Variants in EPS15L1 observed in about 807,000 individuals in gnomAD.
EPS15L1 encodes epidermal growth factor receptor substrate 15-like 1.
Under a neutral mutation model 117.1 loss-of-function variants are expected in EPS15L1, and 43 were observed. The observed-to-expected ratio is 0.37, with a 90% CI of 0.29 to 0.47. The LOEUF (loss-of-function observed/expected upper bound fraction) is 0.47. Among genes scored for constraint, EPS15L1 ranks in the 20% least tolerant of loss-of-function variants. The probability of loss-of-function intolerance (pLI) is 0.99; values close to 1 mark genes in which losing one functional copy is unlikely to be tolerated. For synonymous variants in EPS15L1, 459 were observed against 470.5 expected, an observed-to-expected ratio of 0.98 and a Z score of 0.32; for missense variants, 981 against 1,164.0, an observed-to-expected ratio of 0.84 and a Z score of 2.29.
chr19:16,408,872 C>T (rs1359642904), intron 13 of EPS15L1, among the ~76,000 whole-genome samples: 4 of 152,096 alleles, frequency 2.6e-5, no homozygotes, highest in Non-Finnish European at 5.9e-5. Flanking sequence ...CTATAGTCAA[C>T]TCATCCTTGA....
intron 19 of EPS15L1, among the ~76,000 whole-genome samples, chr19:16,390,516 T>C (rs2092464873): frequency 6.6e-6 from 1 of 152,156 alleles, no homozygotes; most frequent in Non-Finnish European, 1.5e-5. Flanking sequence ...TCACTGCCAT[T>C]TGTAGAGCAT....
intron 10 of EPS15L1, among the ~76,000 whole-genome samples, chr19:16,419,008 G>T (rs1274579137): frequency 6.6e-6 from 1 of 152,182 alleles, no homozygotes; most frequent in Non-Finnish European, 1.5e-5. Flanking sequence ...TGCCACAGGG[G>T]CATGGCCACA....
intron 10 of EPS15L1, among the ~76,000 whole-genome samples, chr19:16,420,698 C>T (rs2092804942): frequency 6.6e-6 from 1 of 152,258 alleles, no homozygotes; most frequent in East Asian, 1.9e-4. Context: ...TCTAAGGCCA[C>T]AAGGCTCTGA....
intron 10 of EPS15L1, among the ~76,000 whole-genome samples, chr19:16,418,545 T>C (rs1021168865): frequency 1.3e-5 from 2 of 152,226 alleles, no homozygotes; most frequent in African/African-American, 2.4e-5. Flanking sequence ...GCTACTGGCC[T>C]TCAATGGGGA....
intron 13 of EPS15L1, chr19:16,413,347 G>C (rs1340610181): frequency 2.9e-6 from 2 of 694,062 alleles, no homozygotes; most frequent in Admixed American, 4.1e-5. Flanking sequence ...ATGATGGCTA[G>C]TATCAATGAC....
chr19:16,424,940 C>T (rs796704355), intron 9 of EPS15L1, 143 bp downstream of exon 9: 28 of 772,120 alleles, frequency 3.6e-5, no homozygotes, highest in Non-Finnish European at 5.1e-5. Context: ...GGATTACAGG[C>T]GTGAGCCACC....
At position 16,448,556 on chromosome 19, in the gene EPS15L1, GA is replaced by G. The variant is rs370342329; in HGVS notation, c.34-6338del. Among the ~76,000 whole-genome samples the G allele has an allele frequency of 1.1e-3, 149 of 138,320 alleles. 3 individuals are homozygous for G. The highest frequency in any genetic ancestry group is 1.8e-3 in the African/African-American group (65 of 35,902). 90.7% of individuals were successfully genotyped at this position (138,320 alleles called of 152,430 possible). On this transcript the variant is annotated intron_variant, in intron 1 of 23. Transcript: ENST00000455140. ...TCCGTATTAAAAAAAAAGGGGGGGGGAGAAAGGCCGGGCGCGGTGGCTCACA... is the reference window on the plus strand; with the variant it reads ...TCCGTATTAAAAAAAAAGGGGGGGGGGAAAGGCCGGGCGCGGTGGCTCACA...
rs34482179 is a variant in EPS15L1 at position 16,470,219 on chromosome 19, T to TAA, written c.33+1692_33+1693dup. On this transcript the variant is annotated intron_variant, in intron 1 of 23. Coordinates refer to ENST00000455140, the MANE Select transcript of EPS15L1 (RefSeq NM_001258374.3). ...CAAAATGGTGAAACCCCGTCTCCAC[T>TAA]AAAAAAAAAATACAAAAATTAGCCG... 1.4e-4 allele frequency among the ~76,000 whole-genome samples: 21 copies of TAA among 148,084 alleles called. No individual in the cohort carries two copies. The East Asian group carries it at 2.2e-3, about 15-fold the overall frequency.
chr19:16,413,088 G>T, intron 13 of EPS15L1: 1 of 689,340 alleles, frequency 1.5e-6, no homozygotes, highest in Non-Finnish European at 2.7e-6. Flanking sequence ...TGCTATCGGG[G>T]ACTACAATGG....
At chr19:16,401,463 G>A (rs777099670) in intron 16 of EPS15L1, 2 of 985,792 alleles carry the variant, frequency 2.0e-6, no homozygotes, top group Non-Finnish European at 2.4e-6. Context: ...AGCCCTGGGA[G>A]AGAGGGTGGC....
intron 1 of EPS15L1, among the ~76,000 whole-genome samples, chr19:16,465,329 T>C: frequency 6.6e-6 from 1 of 151,972 alleles, no homozygotes; most frequent in East Asian, 1.9e-4. Context: ...CCTGGACAAC[T>C]CAATTCTGCA....
chr19:16,465,073 A>C (rs77903322), intron 1 of EPS15L1, among the ~76,000 whole-genome samples: 2 of 149,106 alleles, frequency 1.3e-5, no homozygotes, highest in East Asian at 4.0e-4. Flanking sequence ...AGCGAGACTT[A>C]GTCTCAAAAA....
chr19:16,451,166 G>A (rs1407773442), intron 1 of EPS15L1, among the ~76,000 whole-genome samples: 1 of 151,916 alleles, frequency 6.6e-6, no homozygotes, highest in Non-Finnish European at 1.5e-5. Context: ...GGCCAGGCTG[G>A]TCTTGAACTC....
intron 9 of EPS15L1, 26 bp downstream of exon 9, chr19:16,425,057 G>C (rs1361912691): frequency 1.9e-6 from 3 of 1,564,906 alleles, no homozygotes; most frequent in Non-Finnish European, 2.6e-6. Context: ...TCTGAGAGGG[G>C]GCTGTGCCCG....
chr19:16,398,995 T>G (rs1339410463), intron 16 of EPS15L1, among the ~76,000 whole-genome samples: 1 of 116,076 alleles, frequency 8.6e-6, no homozygotes, highest in Non-Finnish European at 2.0e-5. Context: ...ATTTATAAGG[T>G]TTTTTTTTTT....
chr19:16,452,022 C>T (rs2093149351), intron 1 of EPS15L1, among the ~76,000 whole-genome samples: 1 of 150,128 alleles, frequency 6.7e-6, no homozygotes, highest in Non-Finnish European at 1.5e-5. Flanking sequence ...ACCTGTAATC[C>T]CAGTTACTCT....
intron 12 of EPS15L1, among the ~76,000 whole-genome samples, chr19:16,414,234 G>A (rs1304042975): frequency 6.6e-6 from 1 of 151,992 alleles, no homozygotes; most frequent in African/African-American, 2.4e-5. Context: ...CCTCAGAAAG[G>A]AAAAAGAGAC....
At chr19:16,408,669 A>C (rs528532310) in intron 13 of EPS15L1, among the ~76,000 whole-genome samples, 10 of 152,086 alleles carry the variant, frequency 6.6e-5, no homozygotes, top group African/African-American at 2.4e-4. Context: ...AAAAAAAAAA[A>C]AAATCACATG....
chr19:16,425,094 T>G lies in EPS15L1; in HGVS notation c.781A>C (p.Lys261Gln). 6.2e-7 allele frequency: 1 copy of G among 1,613,972 alleles called. No homozygotes were observed. The highest frequency in any genetic ancestry group is 8.5e-7 in the Non-Finnish European group (1 of 1,179,830). The change falls in exon 9 of 24, where the codon AAG becomes CAG. Residue 261 changes from lysine to glutamine, a missense_variant. Around this residue, in one of 5 missense-constraint regions of EPS15L1, gnomAD observed 819 missense variants for 949.0 expected, o/e 0.86. Transcript: ENST00000455140. ...TGSLSPKHSL[K>Q]QTQPTVNWVV... Reference sequence around the variant, plus strand: ...TGAGGGCTCCGTACCTGTGTTTGCTTGAGGCTGTGCTTGGGGGACAGGCTC... The same window carrying G: ...TGAGGGCTCCGTACCTGTGTTTGCTGGAGGCTGTGCTTGGGGGACAGGCTC...
Sources: allele counts gnomAD v4.1 joint callset (sites outside exome capture counted in the v4.1 genomes callset), GRCh38; gene constraint gnomAD v4.1.1; regional missense constraint gnomAD v4.1.1; transcripts MANE v1.5; gene names NCBI Gene and HGNC (gene_info 2026-07-23, HGNC 2026-07-21).